The following IFT80 variants were observed in gnomAD, a reference collection of about 807,000 sequenced individuals.
The protein encoded by IFT80 is intraflagellar transport 80.
A neutral mutation model predicts 107.9 loss-of-function variants in IFT80; 79 were observed. The ratio of observed to expected loss-of-function variants is 0.73; its 90% CI spans 0.61 to 0.88. The LOEUF is 0.88. Ranked by LOEUF, IFT80 falls within the 40% of genes least tolerant of loss-of-function variation. The pLI is 0.00. For missense variants in IFT80, 797 were observed against 914.2 expected, an observed-to-expected ratio of 0.87 and a Z score of 1.65; for synonymous variants, 299 against 300.9, an observed-to-expected ratio of 0.99 and a Z score of 0.07.
At chr3:160,301,462 TA>T (rs1716418273) in intron 11 of IFT80, among the ~76,000 whole-genome samples, 1 of 151,888 alleles carries the variant, frequency 6.6e-6, no homozygotes, top group South Asian at 2.1e-4. Flanking sequence ...ATTTTATAAC[TA>T]AAGATTATGC....
intron 8 of IFT80, among the ~76,000 whole-genome samples, chr3:160,341,238 T>C (rs1413423879): frequency 6.6e-6 from 1 of 152,068 alleles, no homozygotes; most frequent in African/African-American, 2.4e-5. Flanking sequence ...TCTTGAACTC[T>C]TGGACTCAAG....
intron 12 of IFT80, among the ~76,000 whole-genome samples, chr3:160,292,868 C>T (rs909051386): frequency 2.0e-4 from 31 of 152,172 alleles, no homozygotes; most frequent in African/African-American, 7.5e-4. Flanking sequence ...AGGGCTACCA[C>T]TACAAATGCC....
intron 8 of IFT80, among the ~76,000 whole-genome samples, chr3:160,325,915 A>T (rs963210711): frequency 6.6e-6 from 1 of 152,096 alleles, no homozygotes; most frequent in African/African-American, 2.4e-5. Flanking sequence ...TGAATTTTTC[A>T]GATTAGGAAT....
intron 10 of IFT80, among the ~76,000 whole-genome samples, chr3:160,306,145 A>T (rs1250863112): frequency 6.6e-6 from 1 of 152,174 alleles, no homozygotes; most frequent in African/African-American, 2.4e-5. Flanking sequence ...AGGGGAGGCA[A>T]GGTTCAATCA....
At chr3:160,280,923 T>C in intron 14 of IFT80, 109 bp from the exon 15 acceptor site, 3 of 914,350 alleles carry the variant, frequency 3.3e-6, no homozygotes, top group Non-Finnish European at 5.2e-6. Context: ...CTGGTAGATA[T>C]GACTCTACTT....
intron 8 of IFT80, among the ~76,000 whole-genome samples, chr3:160,353,491 T>C (rs899709754): frequency 5.9e-5 from 9 of 152,214 alleles, no homozygotes; most frequent in African/African-American, 2.2e-4. Flanking sequence ...TTTTCTGTAT[T>C]ATCTCCTGGT....
chr3:160,282,677 T>C, intron 13 of IFT80, 64 bp from the exon 14 acceptor site: 2 of 955,584 alleles, frequency 2.1e-6, no homozygotes, highest in Non-Finnish European at 1.6e-6. Context: ...ATCATTTTAA[T>C]TAATTATAAA....
intron 12 of IFT80, among the ~76,000 whole-genome samples, chr3:160,293,956 G>T (rs1403516066): frequency 1.1e-4 from 16 of 152,282 alleles, no homozygotes; most frequent in Non-Finnish European, 5.9e-5. Context: ...TGCCAGGAAG[G>T]TGATGTACCC....
At chr3:160,378,049 T>G (rs1053876177) in intron 3 of IFT80, among the ~76,000 whole-genome samples, 6 of 152,174 alleles carry the variant, frequency 3.9e-5, no homozygotes, top group African/African-American at 1.4e-4. Flanking sequence ...CTTATGTCCT[T>G]TAAAGTTTTA....
intron 3 of IFT80, among the ~76,000 whole-genome samples, chr3:160,380,445 G>A (rs1303445509): frequency 2.6e-5 from 4 of 152,138 alleles, no homozygotes; most frequent in Admixed American, 6.6e-5. Context: ...ACTGGCCACC[G>A]TCATACTCAC....
At chr3:160,384,813 A>G (rs1281671053) in intron 1 of IFT80, among the ~76,000 whole-genome samples, 167 bp from the exon 2 acceptor site, 2 of 152,226 alleles carry the variant, frequency 1.3e-5, no homozygotes, top group Non-Finnish European at 2.9e-5. Context: ...TGCCAATCCT[A>G]ACAAGGGATG....
At chr3:160,323,292 G>A (rs2108304044) in intron 8 of IFT80, among the ~76,000 whole-genome samples, 1 of 149,236 alleles carries the variant, frequency 6.7e-6, no homozygotes, top group Non-Finnish European at 1.5e-5. Context: ...ATTAAATAGG[G>A]AATCCTTTCC....
intron 6 of IFT80, among the ~76,000 whole-genome samples, chr3:160,359,076 C>A (rs778734063): frequency 9.9e-5 from 15 of 152,140 alleles, no homozygotes; most frequent in Non-Finnish European, 2.1e-4. Context: ...ATTAAGCACA[C>A]TTTTTTGTGG....
chr3:160,289,730 T>C (rs1715384284), intron 12 of IFT80, among the ~76,000 whole-genome samples: 1 of 152,160 alleles, frequency 6.6e-6, no homozygotes. Flanking sequence ...TGACCTTCAA[T>C]TACCTGGAGC....
intron 12 of IFT80, among the ~76,000 whole-genome samples, chr3:160,298,913 T>C (rs1028974126): frequency 1.3e-5 from 2 of 152,170 alleles, no homozygotes; most frequent in African/African-American, 4.8e-5. Flanking sequence ...ACAATGGCTA[T>C]GACATTACTC....
At chr3:160,316,451 A>G (rs1717827093) in intron 9 of IFT80, among the ~76,000 whole-genome samples, 1 of 152,204 alleles carries the variant, frequency 6.6e-6, no homozygotes, top group African/African-American at 2.4e-5. Flanking sequence ...TGACTCACAG[A>G]AAATGAGAGA....
chr3:160,384,090 C>G (rs558741429), intron 2 of IFT80: 1 of 263,660 alleles, frequency 3.8e-6, no homozygotes, highest in African/African-American at 2.3e-5. Flanking sequence ...ACTAAAAATA[C>G]AAAAATTAGC....
chr3:160,309,729 T>C (rs186741934), intron 9 of IFT80, among the ~76,000 whole-genome samples: 56 of 152,132 alleles, frequency 3.7e-4, no homozygotes, highest in African/African-American at 1.3e-3. Context: ...TATAGTATGA[T>C]ACCTTTTATC....
rs1263896659 is a variant in IFT80, at chr3:160,340,040, AATATTCT to A, written c.777+15966_777+15972del. Among the ~76,000 whole-genome samples, 4 of 152,158 alleles carry A rather than the reference AATATTCT, an allele frequency of 2.6e-5. No homozygotes were observed. In the East Asian group the frequency reaches 7.7e-4, roughly 29 times the overall value. On this transcript the variant is annotated intron_variant, in intron 8 of 19. Coordinates refer to ENST00000326448, the MANE Select transcript of IFT80 (RefSeq NM_020800.3). ...CATAAAGGGCCATCTCCTGGGCAAAAATATTCTATGCCTCTTTTCACATGCTCTAAAG... is the reference window on the plus strand; with the variant it reads ...CATAAAGGGCCATCTCCTGGGCAAAAATGCCTCTTTTCACATGCTCTAAAG...
Sources: allele counts gnomAD v4.1 joint callset (sites outside exome capture counted in the v4.1 genomes callset), GRCh38; gene constraint gnomAD v4.1.1; transcripts MANE v1.5; gene names NCBI Gene and HGNC (gene_info 2026-07-23, HGNC 2026-07-21).